Variants in EHF observed in about 807,000 individuals in gnomAD.
EHF encodes ESE3 transcription factor.
EHF carries 14 observed loss-of-function variants against 45.1 expected under a neutral mutation model. The observed-to-expected ratio is 0.31, with a 90% CI of 0.21 to 0.49. The LOEUF is 0.49. Among genes scored for constraint, EHF ranks in the 20% least tolerant of loss-of-function variants. The pLI is 0.99. For missense variants in EHF, 282 were observed against 371.4 expected, an observed-to-expected ratio of 0.76 and a Z score of 1.98; for synonymous variants, 136 against 131.8, an observed-to-expected ratio of 1.03 and a Z score of -0.22.
intron 1 of EHF, among the ~76,000 whole-genome samples, chr11:34,638,675 G>A (rs1201270761): frequency 1.3e-5 from 2 of 152,126 alleles, no homozygotes; most frequent in East Asian, 3.9e-4. Context: ...CAATCCACAG[G>A]CCAGCCCCCA....
intron 2 of EHF, among the ~76,000 whole-genome samples, chr11:34,644,372 G>T (rs1024751407): frequency 1.3e-5 from 2 of 152,362 alleles, no homozygotes; most frequent in African/African-American, 4.8e-5. Flanking sequence ...GAAATGGAAA[G>T]ATCCAGCCCA....
chr11:34,645,092 C>T (rs1047681225), intron 2 of EHF, among the ~76,000 whole-genome samples: 1 of 152,142 alleles, frequency 6.6e-6, no homozygotes, highest in African/African-American at 2.4e-5. Flanking sequence ...ACTCATCTTT[C>T]CTGAAAGAGA....
chr11:34,647,858 G>A (rs1464795376), intron 3 of EHF, among the ~76,000 whole-genome samples: 1 of 152,162 alleles, frequency 6.6e-6, no homozygotes, highest in Non-Finnish European at 1.5e-5. Context: ...ACCAAACAAG[G>A]CTCTATAAAT....
At chr11:34,632,601 G>A (rs772234738) in intron 1 of EHF, 24 of 1,535,292 alleles carry the variant, frequency 1.6e-5, no homozygotes, top group South Asian at 4.8e-5. Flanking sequence ...TGGGGTTGCC[G>A]GAGAGAAGAG....
At chr11:34,655,448 T>G (rs1250071340) in intron 6 of EHF, among the ~76,000 whole-genome samples, 1 of 152,180 alleles carries the variant, frequency 6.6e-6, no homozygotes, top group Non-Finnish European at 1.5e-5. Context: ...ATCTGTTATG[T>G]GCAAAGGGAG....
chr11:34,642,848 G>A, intron 2 of EHF, 121 bp downstream of exon 2: 2 of 742,654 alleles, frequency 2.7e-6, no homozygotes, highest in South Asian at 3.6e-5. Flanking sequence ...GGGACAAGAA[G>A]GAATGGAGAA....
Position 34,661,176 on chromosome 11 carries a change from T to C in EHF, c.*2245T>C, listed in dbSNP as rs1856057541. ...GGCCTTCCCAGCATTTGACTGTTCA[T>C]TGCATAGAATGAATTAAATATCCAG... On this transcript the variant is annotated 3_prime_UTR_variant, in exon 9 of 9. Coordinates refer to ENST00000257831, the MANE Select transcript of EHF (RefSeq NM_012153.6). 1 of 152,180 alleles carries C rather than the reference T, an allele frequency of 6.6e-6. No individual in the cohort carries two copies. The highest frequency in any genetic ancestry group is 1.9e-4 in the East Asian group (1 of 5,204). 9.4% of individuals were successfully genotyped at this position (152,180 alleles called of 1,614,324 possible).
chr11:34,626,294 A>C (rs539804398), intron 1 of EHF, among the ~76,000 whole-genome samples: 70 of 152,270 alleles, frequency 4.6e-4, no homozygotes, highest in African/African-American at 1.7e-3. Context: ...CATCCCCCAA[A>C]AGTCTGTTGA....
intron 1 of EHF, among the ~76,000 whole-genome samples, chr11:34,638,396 T>C (rs558565477): frequency 4.8e-4 from 73 of 152,316 alleles, no homozygotes; most frequent in African/African-American, 1.6e-3. Context: ...TACCAGGCAC[T>C]CTGCTGTGGG....
chr11:34,638,768 T>C (rs895108189), intron 1 of EHF, among the ~76,000 whole-genome samples: 1 of 152,150 alleles, frequency 6.6e-6, no homozygotes, highest in Non-Finnish European at 1.5e-5. Context: ...TGAGGATTCC[T>C]CCTCTGCCTC....
intron 1 of EHF, among the ~76,000 whole-genome samples, chr11:34,632,904 G>A (rs922956482): frequency 1.4e-4 from 21 of 152,170 alleles, no homozygotes; most frequent in African/African-American, 5.1e-4. Context: ...GAATTACAGA[G>A]GGTCTGAGAC....
chr11:34,636,964 G>A (rs1324459918), intron 1 of EHF, among the ~76,000 whole-genome samples: 1 of 150,390 alleles, frequency 6.6e-6, no homozygotes, highest in East Asian at 2.0e-4. Flanking sequence ...GGGAGGTGGA[G>A]GTTGTGGTGA....
rs1474033125 is a variant in EHF, at chr11:34,636,520, A to G, written c.-3-6108A>G. ...TAGACATTGACTAGACACTTGCTAC[A>G]TATGAGACGTTATGCTGGGGACTTT... On this transcript the variant is annotated intron_variant, in intron 1 of 8. Transcript: ENST00000257831. 4.6e-5 allele frequency among the ~76,000 whole-genome samples: 7 copies of G among 152,382 alleles called. No individual in the cohort carries two copies. The East Asian group carries it at 1.3e-3, about 29-fold the overall frequency.
At position 34,627,844 on chromosome 11, in the gene EHF, A is replaced by G. The variant is rs549464653; in HGVS notation, c.-4+6616A>G. Among the ~76,000 whole-genome samples the G allele has an allele frequency of 4.9e-4, 75 of 152,360 alleles. 1 individual carries two copies. Among genetic ancestry groups the G allele is most frequent in the Admixed American group, 4.6e-3 (70 of 15,306 alleles). The stretch of plus-strand genomic sequence containing the variant: ...AAACTCCATGGTAGTATTAGCTGCA[A>G]TTGTGACTATCACCAGGATAAATCA... On this transcript the variant is annotated intron_variant, in intron 1 of 8. Transcript: ENST00000257831.
At chr11:34,647,084 A>ACAAAAC (rs1565038968) in intron 3 of EHF, among the ~76,000 whole-genome samples, 36 of 137,038 alleles carry the variant, frequency 2.6e-4, no homozygotes, top group Non-Finnish European at 4.6e-4. Flanking sequence ...ACAAAACAAA[A>ACAAAAC]CCCCCCCCAC....
chr11:34,639,080 C>T (rs1853735479), intron 1 of EHF, among the ~76,000 whole-genome samples: 2 of 152,164 alleles, frequency 1.3e-5, no homozygotes, highest in Non-Finnish European at 2.9e-5. Flanking sequence ...TCCCCCGCAA[C>T]CCCCTCCAGC....
intron 2 of EHF, among the ~76,000 whole-genome samples, chr11:34,645,920 T>C (rs143952877): frequency 6.6e-6 from 1 of 152,094 alleles, no homozygotes; most frequent in African/African-American, 2.4e-5. Context: ...ATCAGTCCAG[T>C]TAGTAGATCA....
rs914878306 is a variant in EHF at position 34,636,523 on chromosome 11, T to A, written c.-3-6105T>A. Among the ~76,000 whole-genome samples the A allele has an allele frequency of 4.4e-4, 67 of 152,220 alleles. 1 individual carries two copies. The highest frequency in any genetic ancestry group is 2.6e-4 in the Admixed American group (4 of 15,284). On this transcript the variant is annotated intron_variant, in intron 1 of 8. Coordinates refer to ENST00000257831, the MANE Select transcript of EHF (RefSeq NM_012153.6). The stretch of plus-strand genomic sequence containing the variant: ...ACATTGACTAGACACTTGCTACATA[T>A]GAGACGTTATGCTGGGGACTTTACA...
chr11:34,648,141 T>C (rs1854762425), intron 3 of EHF, among the ~76,000 whole-genome samples: 2 of 152,170 alleles, frequency 1.3e-5, no homozygotes, highest in African/African-American at 2.4e-5. Context: ...AGACCTTCTA[T>C]CAACTAACAT....
Sources: gnomAD v4.1 joint callset for allele counts (sites outside exome capture counted in the v4.1 genomes callset) on GRCh38, gnomAD v4.1.1 for gene constraint, MANE v1.5 for transcripts, NCBI Gene and HGNC (gene_info 2026-07-23, HGNC 2026-07-21) for gene names.